PEAR1: variants seen among roughly 807,000 people sequenced by gnomAD.
PEAR1 encodes the protein platelet endothelial aggregation receptor 1, also known as multiple EGF-like domains protein 12.
A neutral mutation model predicts 131.2 loss-of-function variants in PEAR1; 113 were observed. The observed-to-expected ratio is 0.86, with a 90% CI of 0.74 to 1.01. The LOEUF (loss-of-function observed/expected upper bound fraction) is 1.01. Among genes scored for constraint, PEAR1 ranks in the 50% least tolerant of loss-of-function variants. PEAR1 has a pLI of 0.00. For missense variants in PEAR1, 1,408 were observed against 1,391.1 expected, an observed-to-expected ratio of 1.01 and a Z score of -0.19; for synonymous variants, 565 against 523.3, an observed-to-expected ratio of 1.08 and a Z score of -1.09.
At position 156,908,106 on chromosome 1, in the gene PEAR1, G is replaced by T. The variant is rs1220235685; in HGVS notation, c.903-22G>T. ...GAGGGAGGAGGTGGGGCGCCGCCAG[G>T]CTCACTCAGCTAGGTGCCCAGGTGC... On this transcript the variant is annotated intron_variant, in intron 8 of 22. Transcript: ENST00000292357. This position sits in a 1 kb window ranked among gnomAD's most constrained non-coding sequence, Gnocchi z 4.2. 2 of 1,591,102 alleles carry T rather than the reference G, an allele frequency of 1.3e-6. No individual in the cohort carries two copies. The highest frequency in any genetic ancestry group is 2.7e-5 in the African/African-American group (2 of 74,706).
At chr1:156,899,926 C>G (rs1649519393) in intron 1 of PEAR1, among the ~76,000 whole-genome samples, 1 of 152,124 alleles carries the variant, frequency 6.6e-6, no homozygotes, top group Non-Finnish European at 1.5e-5. Context: ...ACTTCCGTCA[C>G]CCTTACTCTC....
intron 15 of PEAR1, among the ~76,000 whole-genome samples, chr1:156,911,795 G>A (rs1046740294): frequency 6.6e-6 from 1 of 152,148 alleles, no homozygotes; most frequent in Non-Finnish European, 1.5e-5. Context: ...CCAGCAGGCG[G>A]GGTAAAGAAG....
chr1:156,914,885 G>T lies in PEAR1; in HGVS notation c.*87G>T. On this transcript the variant is annotated 3_prime_UTR_variant, in exon 23 of 23. Coordinates refer to ENST00000292357, the MANE Select transcript of PEAR1 (RefSeq NM_001080471.3). ...AGAGCCTAGTGTACCCCTGCCAGGA[G>T]CAGGGAGTGGACCGGCAGGCTGTGA... 6.9e-7 allele frequency: 1 copy of T among 1,457,682 alleles called. No homozygotes were observed. The highest frequency in any genetic ancestry group is 9.3e-7 in the Non-Finnish European group (1 of 1,070,230). The allele number at this position is 1,457,682 out of a possible 1,614,324, so 90.3% of individuals were successfully genotyped here.
rs111521595 is a variant in PEAR1, at chr1:156,907,808, G to GGAGGGT, written c.765+79_765+80insAGGGTG. ...TGGGTGGTGCTAAGCAGGGCTCCAA[G>GGAGGGT]GTGAGTGAGGGGGGTGAGCTCTGTG... On this transcript the variant is annotated intron_variant, in intron 7 of 22. Coordinates refer to ENST00000292357, the MANE Select transcript of PEAR1 (RefSeq NM_001080471.3). The GGAGGGT allele has an allele frequency of 7.6e-3, 11,928 of 1,569,736 alleles. 727 individuals carry two copies. The African/African-American group carries it at 0.14, about 18-fold the overall frequency.
chr1:156,904,654 C>T, intron 2 of PEAR1, 94 bp from the exon 3 acceptor site: 2 of 1,274,770 alleles, frequency 1.6e-6, no homozygotes. Flanking sequence ...GCTGTGGATT[C>T]CCCACTGTGG....
At chr1:156,900,916 C>T (rs1051164870) in intron 1 of PEAR1, among the ~76,000 whole-genome samples, 4 of 152,104 alleles carry the variant, frequency 2.6e-5, no homozygotes, top group Admixed American at 6.5e-5. Flanking sequence ...GCTGCTGTGG[C>T]TGGAAGGGGT....
At position 156,906,892 on chromosome 1, in the gene PEAR1, G is replaced by C; in HGVS notation, c.644+12G>C. The C allele has an allele frequency of 6.2e-7, 1 of 1,612,260 alleles. No homozygotes were observed. Among genetic ancestry groups the C allele is most frequent in the Non-Finnish European group, 8.5e-7 (1 of 1,179,026 alleles). On this transcript the variant is annotated intron_variant, in intron 6 of 22. Coordinates refer to ENST00000292357, the MANE Select transcript of PEAR1 (RefSeq NM_001080471.3). ...AGAACTGGGCCCAGGTATGTAATGGGGGGAACGACACTTTAACAAGATCGC... is the reference window on the plus strand; with the variant it reads ...AGAACTGGGCCCAGGTATGTAATGGCGGGAACGACACTTTAACAAGATCGC...
Position 156,915,104 on chromosome 1 carries a change from C to A in PEAR1, c.*306C>A. The stretch of plus-strand genomic sequence containing the variant: ...GATTTCAGACATGCGTGTGGGGTAC[C>A]TTTTCTGTGCATGCTCAGCCTGGGC... On this transcript the variant is annotated 3_prime_UTR_variant, in exon 23 of 23. Transcript: ENST00000292357. The A allele has an allele frequency of 6.3e-6, 2 of 319,958 alleles. No homozygotes were observed. Among genetic ancestry groups the A allele is most frequent in the Non-Finnish European group, 5.7e-6 (1 of 176,498 alleles). The allele number at this position is 319,958 out of a possible 1,614,324, so 19.8% of individuals were successfully genotyped here. A position where few individuals can be genotyped will look rare whatever the true frequency, so the allele number is the denominator to read the frequency against.
chr1:156,898,867 C>A (rs1016447052), intron 1 of PEAR1, among the ~76,000 whole-genome samples: 2 of 151,696 alleles, frequency 1.3e-5, no homozygotes, highest in Non-Finnish European at 2.9e-5. Context: ...AGTATAGGAA[C>A]GGAAAAAGAG....
chr1:156,903,406 C>A (rs1649881846), intron 1 of PEAR1, among the ~76,000 whole-genome samples: 1 of 152,198 alleles, frequency 6.6e-6, no homozygotes, highest in Non-Finnish European at 1.5e-5. Context: ...AGTCCCTCAT[C>A]ACTTCCCCTC....
chr1:156,904,719 C>T (rs755203911), intron 2 of PEAR1, 29 bp from the exon 3 acceptor site: 14 of 1,579,530 alleles, frequency 8.9e-6, no homozygotes, highest in Admixed American at 3.7e-5. Context: ...CTCCTGCCCT[C>T]GGCCCTGACC....
At position 156,910,301 on chromosome 1, in the gene PEAR1, C is replaced by A; in HGVS notation, c.1746C>A (p.Cys582Ter). The change falls in exon 14 of 23, where the codon TGC becomes TGA. Residue 582 changes from cysteine to a stop codon, truncating the protein, a stop_gained. Coordinates refer to ENST00000292357, the MANE Select transcript of PEAR1 (RefSeq NM_001080471.3). LOFTEE classifies it high-confidence loss of function. ...WGVNCSNTCT[C>*]KNGGTCLPEN... The stretch of plus-strand genomic sequence containing the variant: ...TCAACTGTAGCAACACCTGCACCTG[C>A]AAGAATGGGGGCACCTGTCTCCCTG... 1 of 1,613,598 alleles carries A rather than the reference C, an allele frequency of 6.2e-7. No individual in the cohort carries two copies. Among genetic ancestry groups the A allele is most frequent in the Non-Finnish European group, 8.5e-7 (1 of 1,179,752 alleles).
Position 156,908,479 on chromosome 1 carries a change from G to A in PEAR1, c.1115+139G>A, listed in dbSNP as rs1650633077. The A allele has an allele frequency of 1.4e-5, 17 of 1,242,328 alleles. No homozygotes were observed. In the South Asian group the frequency reaches 2.5e-4, roughly 18 times the overall value. 77.0% of individuals were successfully genotyped at this position (1,242,328 alleles called of 1,614,324 possible). On this transcript the variant is annotated intron_variant, in intron 9 of 22. Transcript: ENST00000292357. This position sits in a 1 kb window ranked among gnomAD's most constrained non-coding sequence, Gnocchi z 4.2. ...GAAAGGGAGGGACCTCAGGGGCCGG[G>A]AGGGGCCTGGGGTACCGCTACTTGC...
At position 156,913,940 on chromosome 1, in the gene PEAR1, G is replaced by A. The variant is rs778875777; in HGVS notation, c.2802G>A (p.Leu934=). The A allele has an allele frequency of 1.9e-6, 3 of 1,614,046 alleles. No individual in the cohort carries two copies. The highest frequency in any genetic ancestry group is 2.5e-6 in the Non-Finnish European group (3 of 1,179,998). ...PYATIRDLPS[L]PGGPRESSYM... ...CCACCATCCGGGACCTGCCCAGCTT[G>A]CCAGGGGGCCCCCGGGAGAGCAGCT... Residue 934 remains leucine (L), a synonymous_variant, in exon 22 of 23, where the codon TTG becomes TTA. Transcript: ENST00000292357.
intron 11 of PEAR1, 24 bp downstream of exon 11, chr1:156,909,060 G>A: frequency 6.2e-7 from 1 of 1,613,196 alleles, no homozygotes; most frequent in Non-Finnish European, 8.5e-7. Flanking sequence ...GTTTCCCAGA[G>A]AGAAGACTTG....
intron 1 of PEAR1, among the ~76,000 whole-genome samples, chr1:156,899,913 C>T (rs1370728964): frequency 1.3e-5 from 2 of 152,158 alleles, no homozygotes; most frequent in African/African-American, 4.8e-5. Context: ...CTTCTGCTGT[C>T]TCACTTCCGT....
intron 1 of PEAR1, among the ~76,000 whole-genome samples, chr1:156,898,564 G>A (rs1214428463): frequency 2.6e-5 from 4 of 152,204 alleles, no homozygotes; most frequent in Non-Finnish European, 4.4e-5. Context: ...AGCTCCCTGT[G>A]TAGGGAGGGA....
Position 156,907,950 on chromosome 1 carries a change from T to C in PEAR1, c.801T>C (p.Phe267=). 1.3e-6 allele frequency: 2 copies of C among 1,587,612 alleles called. No homozygotes were observed. Among genetic ancestry groups the C allele is most frequent in the East Asian group, 2.3e-5 (1 of 43,368 alleles). Residue 267 remains phenylalanine (F), a synonymous_variant, in exon 8 of 23, where the codon TTT becomes TTC. Transcript: ENST00000292357. ...GCTCCCTGCCCTGCCCAGAGGGCTT[T>C]CACGGACCCAACTGCTCCCAGGAAT... The part of the protein sequence containing the change: ...TICSLPCPEG[F]HGPNCSQECR...
At position 156,908,785 on chromosome 1, in the gene PEAR1, T is replaced by C; in HGVS notation, c.1246T>C (p.Cys416Arg). ...EHCLCLHGGV[C>R]QATSGLCQCA... ...CTGTCTCTGCCTGCACGGTGGCGTC[T>C]GCCAGGCTACCAGCGGCCTCTGTCA... Residue 416 changes from cysteine (C) to arginine (R), a missense_variant, in exon 10 of 23, where the codon TGC becomes CGC. Coordinates refer to ENST00000292357, the MANE Select transcript of PEAR1 (RefSeq NM_001080471.3). This position sits in a 1 kb window ranked among gnomAD's most constrained non-coding sequence, Gnocchi z 4.2. The C allele has an allele frequency of 6.2e-7, 1 of 1,604,296 alleles. No homozygotes were observed. Among genetic ancestry groups the C allele is most frequent in the Non-Finnish European group, 8.5e-7 (1 of 1,178,048 alleles).
Sources: gnomAD v4.1 joint callset for allele counts (sites outside exome capture counted in the v4.1 genomes callset) on GRCh38, gnomAD v4.1.1 for gene constraint, Gnocchi (gnomAD v3.1) non-coding constraint, MANE v1.5 for transcripts, NCBI Gene and HGNC (gene_info 2026-07-23, HGNC 2026-07-21) for gene names.